Variants in FCHSD2 observed in about 807,000 individuals in gnomAD.
FCHSD2 encodes the protein FCH and double SH3 domains 2.
A neutral mutation model predicts 108.1 loss-of-function variants in FCHSD2; 38 were observed. The observed-to-expected ratio is 0.35, with a 90% confidence interval of 0.27 to 0.46. The LOEUF is 0.46. Among genes scored for constraint, FCHSD2 ranks in the 20% least tolerant of loss-of-function variants. The pLI is 1.00. For synonymous variants in FCHSD2, 279 were observed against 314.7 expected (o/e 0.89, Z 1.20); for missense variants, 751 against 897.8 (o/e 0.84, Z 2.09).
At chr11:72,963,835 C>A (rs1856858204) in intron 8 of FCHSD2, among the ~76,000 whole-genome samples, 2 of 152,162 alleles carry the variant, frequency 1.3e-5, no homozygotes, top group Non-Finnish European at 2.9e-5. Context: ...TCCTGCTGTG[C>A]GGCCTGGTTC....
At chr11:73,033,909 ACG>A (rs1367319482) in intron 3 of FCHSD2, among the ~76,000 whole-genome samples, 1 of 152,062 alleles carries the variant, frequency 6.6e-6, no homozygotes, top group African/African-American at 2.4e-5. Flanking sequence ...ATGGTAAACA[ACG>A]CTTATGACAC....
intron 13 of FCHSD2, among the ~76,000 whole-genome samples, chr11:72,855,931 A>G (rs1467825784): frequency 1.3e-5 from 2 of 152,226 alleles, no homozygotes; most frequent in African/African-American, 4.8e-5. Flanking sequence ...TACTTTTTAA[A>G]TTAAAAACCT....
intron 3 of FCHSD2, among the ~76,000 whole-genome samples, chr11:73,031,533 A>G (rs1284387074): frequency 6.6e-6 from 1 of 152,168 alleles, no homozygotes; most frequent in Non-Finnish European, 1.5e-5. Context: ...GGAGGGAGAC[A>G]GTAATGCCAA....
At chr11:72,957,774 A>G (rs1856743100) in intron 8 of FCHSD2, among the ~76,000 whole-genome samples, 1 of 152,040 alleles carries the variant, frequency 6.6e-6, no homozygotes, top group Non-Finnish European at 1.5e-5. Flanking sequence ...TTGCTCTCAA[A>G]TGGATCAGAA....
intron 12 of FCHSD2, among the ~76,000 whole-genome samples, chr11:72,885,090 T>C (rs950209403): frequency 2.0e-5 from 3 of 152,230 alleles, no homozygotes; most frequent in Non-Finnish European, 4.4e-5. Context: ...ACCATTATTG[T>C]TAATTCCTTT....
At chr11:73,082,058 C>T (rs1859700244) in intron 3 of FCHSD2, among the ~76,000 whole-genome samples, 1 of 151,712 alleles carries the variant, frequency 6.6e-6, no homozygotes, top group South Asian at 2.1e-4. Flanking sequence ...CAAAAATCGG[C>T]TGGGCGCGGT....
intron 2 of FCHSD2, among the ~76,000 whole-genome samples, chr11:73,113,981 G>A (rs1860551436): frequency 6.6e-6 from 1 of 152,180 alleles, no homozygotes; most frequent in Admixed American, 6.5e-5. Flanking sequence ...ACAATCAGCA[G>A]GTGATAAAGC....
intron 8 of FCHSD2, among the ~76,000 whole-genome samples, chr11:72,971,124 G>A (rs1348966146): frequency 6.6e-6 from 1 of 152,166 alleles, no homozygotes; most frequent in African/African-American, 2.4e-5. Context: ...AAGCCACTGA[G>A]CCTTACAGTC....
At chr11:73,024,261 G>A (rs996951161) in intron 3 of FCHSD2, among the ~76,000 whole-genome samples, 1 of 152,108 alleles carries the variant, frequency 6.6e-6, no homozygotes, top group African/African-American at 2.4e-5. Flanking sequence ...CCTCATAAAT[G>A]GGTATGGGGA....
At chr11:72,934,989 A>G (rs1036565040) in intron 8 of FCHSD2, among the ~76,000 whole-genome samples, 7 of 151,796 alleles carry the variant, frequency 4.6e-5, no homozygotes, top group Non-Finnish European at 8.8e-5. Context: ...TAGGCCACAC[A>G]CTCCCTTACA....
chr11:73,101,422 CTTG>C (rs1238235654), intron 2 of FCHSD2, among the ~76,000 whole-genome samples: 1 of 151,992 alleles, frequency 6.6e-6, no homozygotes, highest in East Asian at 1.9e-4. Flanking sequence ...AGGCTGTACT[CTTG>C]TTGTTATTGT....
chr11:72,988,027 T>C (rs1209008008), intron 6 of FCHSD2, among the ~76,000 whole-genome samples: 8 of 152,258 alleles, frequency 5.3e-5, no homozygotes, highest in Non-Finnish European at 1.5e-5. Context: ...CAGCCCTTGA[T>C]AAACCGCGGA....
At chr11:73,060,512 G>A (rs1241786019) in intron 3 of FCHSD2, among the ~76,000 whole-genome samples, 1 of 152,058 alleles carries the variant, frequency 6.6e-6, no homozygotes, top group Non-Finnish European at 1.5e-5. Flanking sequence ...AGTTTTCCAG[G>A]GGAAATAATC....
intron 4 of FCHSD2, among the ~76,000 whole-genome samples, chr11:73,013,077 C>T (rs1857895396): frequency 6.6e-6 from 1 of 152,184 alleles, no homozygotes; most frequent in Admixed American, 6.5e-5. Flanking sequence ...CTCATGGAAA[C>T]ATTTCAACAC....
Position 72,930,590 on chromosome 11 carries a change from CA to C in FCHSD2, c.706-8641del, listed in dbSNP as rs577144670. On this transcript the variant is annotated intron_variant, in intron 8 of 19. Coordinates refer to ENST00000409418, the MANE Select transcript of FCHSD2 (RefSeq NM_014824.3). ...TGAAACCCCGTCTCTACCAAAAATA[CA>C]AAAATTAGCTGGGCGTGGTGGTGCC... is the stretch of plus-strand genomic sequence containing the variant. Among the ~76,000 whole-genome samples, 120 of 152,202 alleles carry C rather than the reference CA, an allele frequency of 7.9e-4. 1 individual carries two copies. The highest frequency in any genetic ancestry group is 2.9e-3 in the African/African-American group (119 of 41,544).
chr11:73,096,787 ACTACACT>A (rs936961366), intron 2 of FCHSD2, among the ~76,000 whole-genome samples: 4 of 151,420 alleles, frequency 2.6e-5, no homozygotes, highest in African/African-American at 7.3e-5. Flanking sequence ...AGACCGTGTC[ACTACACT>A]CTGGCTTGGG....
chr11:73,134,288 T>C (rs1319165366), intron 2 of FCHSD2, among the ~76,000 whole-genome samples: 3 of 151,832 alleles, frequency 2.0e-5, no homozygotes, highest in African/African-American at 4.8e-5. Flanking sequence ...TGGGGCAACA[T>C]AGTGAAACCC....
At chr11:73,046,170 T>C (rs1208674337) in intron 3 of FCHSD2, among the ~76,000 whole-genome samples, 23 of 152,008 alleles carry the variant, frequency 1.5e-4, no homozygotes, top group African/African-American at 5.3e-4. Context: ...TTTTAATGTT[T>C]TGTAAAGACA....
At chr11:72,908,290 C>T (rs1287656471) in intron 9 of FCHSD2, among the ~76,000 whole-genome samples, 2 of 152,158 alleles carry the variant, frequency 1.3e-5, no homozygotes, top group Non-Finnish European at 2.9e-5. Context: ...TGTTGATGGA[C>T]ACTTAGGTTG....
Sources: gnomAD v4.1 joint callset for allele counts (sites outside exome capture counted in the v4.1 genomes callset) on GRCh38, gnomAD v4.1.1 for gene constraint, MANE v1.5 for transcripts, NCBI Gene and HGNC (gene_info 2026-07-23, HGNC 2026-07-21) for gene names.